The following CALN1 variants were observed in gnomAD, a reference collection of about 807,000 sequenced individuals.
The protein encoded by CALN1 is calneuron 1, also known as calcium-binding protein 8.
In CALN1, 17 loss-of-function variants were observed where a neutral mutation model predicts 30.6. That is an observed-to-expected ratio of 0.56 (90% CI 0.38 to 0.83). The LOEUF is 0.83. CALN1 is among the 40% of genes least tolerant of loss of function. The probability of loss-of-function intolerance (pLI) is 0.00; values close to 1 mark genes in which losing one functional copy is unlikely to be tolerated. For synonymous variants in CALN1, 156 were observed against 131.4 expected, an observed-to-expected ratio of 1.19 and a Z score of -1.28; for missense variants, 291 against 354.9, an observed-to-expected ratio of 0.82 and a Z score of 1.45.
chr7:71,995,917 C>A (rs904717581), intron 5 of CALN1, among the ~76,000 whole-genome samples: 1 of 152,108 alleles, frequency 6.6e-6, no homozygotes, highest in Non-Finnish European at 1.5e-5. Context: ...ATAAAAAGCA[C>A]TTGGCTTAGG....
At chr7:72,369,582 A>C (rs1350470457) in intron 2 of CALN1, among the ~76,000 whole-genome samples, 1 of 152,020 alleles carries the variant, frequency 6.6e-6, no homozygotes, top group Admixed American at 6.6e-5. Context: ...GCTTGTCTTC[A>C]ACTGCTGACC....
At position 71,972,024 on chromosome 7, in the gene CALN1, G is replaced by GAAAA. The variant is rs1562946977; in HGVS notation, c.501+51632_501+51633insTTTT. Among the ~76,000 whole-genome samples the GAAAA allele has an allele frequency of 1.5e-3, 213 of 141,970 alleles. 1 individual carries two copies. Among genetic ancestry groups the GAAAA allele is most frequent in the Admixed American group, 2.2e-3 (29 of 13,394 alleles). The allele number at this position is 141,970 out of a possible 152,430, so 93.1% of individuals were successfully genotyped here. The stretch of plus-strand genomic sequence containing the variant: ...GAAAGAAAAAAAGAAAGAAAAGAAA[G>GAAAA]AAAGAAAGAAAGACACACTCAGAGT... On this transcript the variant is annotated intron_variant, in intron 5 of 6. Transcript: ENST00000395275.
chr7:71,944,293 C>CA (rs1390337883), intron 5 of CALN1, among the ~76,000 whole-genome samples: 2 of 151,674 alleles, frequency 1.3e-5, no homozygotes, highest in African/African-American at 2.4e-5. Context: ...TTTTAAAAAA[C>CA]AAAAAAATAA....
chr7:71,971,679 CTTGAGCCTGGGACT>C (rs1797807786), intron 5 of CALN1, among the ~76,000 whole-genome samples: 1 of 151,822 alleles, frequency 6.6e-6, no homozygotes, highest in Admixed American at 6.6e-5. Flanking sequence ...AGGGGGATCA[CTTGAGCCTGGGACT>C]TTGAGAACAG....
At chr7:72,123,855 C>T (rs1259706930) in intron 3 of CALN1, among the ~76,000 whole-genome samples, 1 of 152,174 alleles carries the variant, frequency 6.6e-6, no homozygotes, top group Non-Finnish European at 1.5e-5. Context: ...TTTTAACACA[C>T]TGTTTCTCTA....
At chr7:72,486,885 T>C in the CALN1 span, among the ~76,000 whole-genome samples, 2 of 152,212 alleles carry the variant, frequency 1.3e-5, no homozygotes, top group Admixed American at 6.5e-5. Context: ...TTTCATCAGG[T>C]ACTTTAGTTA....
intron 3 of CALN1, among the ~76,000 whole-genome samples, chr7:72,123,717 T>G (rs1239657466): frequency 1.3e-5 from 2 of 152,194 alleles, no homozygotes; most frequent in African/African-American, 2.4e-5. Flanking sequence ...TTCAGTCCAT[T>G]TGGCCTTCCT....
intron 4 of CALN1, among the ~76,000 whole-genome samples, chr7:72,047,570 C>T (rs544217716): frequency 3.9e-5 from 6 of 152,240 alleles, no homozygotes; most frequent in East Asian, 1.9e-4. Flanking sequence ...GTCAGAGTAA[C>T]GGAGCAAAAC....
chr7:71,831,251 C>G (rs1460558248), intron 5 of CALN1, among the ~76,000 whole-genome samples: 11 of 152,162 alleles, frequency 7.2e-5, no homozygotes, highest in Admixed American at 7.2e-4. Context: ...AAGGCCGAGG[C>G]AGGTGGATCA....
Position 72,027,304 on chromosome 7 carries a change from C to G in CALN1, c.389-3535G>C, listed in dbSNP as rs577948542. ...TGTGGTTCTTTTGCCCAGGTACTCCCTCTGGAATGTCGGTCTATCAGCAGT... is the reference window on the plus strand; with the variant it reads ...TGTGGTTCTTTTGCCCAGGTACTCCGTCTGGAATGTCGGTCTATCAGCAGT... On this transcript the variant is annotated intron_variant, in intron 4 of 6. Transcript: ENST00000395275. Among the ~76,000 whole-genome samples the G allele has an allele frequency of 3.5e-4, 54 of 152,286 alleles. No individual in the cohort carries two copies. The South Asian group carries it at 0.011, about 30-fold the overall frequency.
intron 2 of CALN1, among the ~76,000 whole-genome samples, chr7:72,341,313 AG>A (rs1223501137): frequency 1.3e-5 from 2 of 152,200 alleles, no homozygotes; most frequent in Non-Finnish European, 2.9e-5. Flanking sequence ...ACTTGAGGTC[AG>A]GGGTTCGACA....
At chr7:72,379,110 A>T (rs892666874) in intron 2 of CALN1, among the ~76,000 whole-genome samples, 2 of 152,110 alleles carry the variant, frequency 1.3e-5, no homozygotes, top group African/African-American at 4.8e-5. Context: ...TTTGTAAAGA[A>T]TATTTGTGGC....
intron 3 of CALN1, among the ~76,000 whole-genome samples, chr7:72,165,546 C>T (rs1788460451): frequency 6.6e-6 from 1 of 151,850 alleles, no homozygotes; most frequent in African/African-American, 2.4e-5. Flanking sequence ...TGAGATCACA[C>T]CACTGCACTC....
chr7:72,412,009 G>C, intron 1 of CALN1, 49 bp downstream of exon 1: 1 of 152,132 alleles, frequency 6.6e-6, no homozygotes, highest in Admixed American at 6.5e-5. Context: ...GGCCCAGCTG[G>C]GAACTGCATG....
intron 2 of CALN1, among the ~76,000 whole-genome samples, chr7:72,356,007 T>C (rs1324159028): frequency 1.3e-5 from 2 of 152,200 alleles, no homozygotes; most frequent in African/African-American, 4.8e-5. Flanking sequence ...AAAAGGAAGA[T>C]AAATGTTTGA....
chr7:71,780,063 C>A lies in CALN1; in HGVS notation c.*7712G>T, dbSNP rs1020244609. 3.3e-5 allele frequency: 5 copies of A among 151,872 alleles called. No homozygotes were observed. Among genetic ancestry groups the A allele is most frequent in the Admixed American group, 6.5e-5 (1 of 15,268 alleles). 9.4% of individuals were successfully genotyped at this position (151,872 alleles called of 1,614,324 possible). On this transcript the variant is annotated 3_prime_UTR_variant, in exon 7 of 7. Transcript: ENST00000395275. ...CATCCAACAGTTGACAGTTCACCAA[C>A]CCAATGCCTGGACAGACTTTCTGAG...
At chr7:71,873,475 A>G (rs1792065327) in intron 5 of CALN1, among the ~76,000 whole-genome samples, 1 of 152,276 alleles carries the variant, frequency 6.6e-6, no homozygotes, top group Non-Finnish European at 1.5e-5. Context: ...AAAGCCATTG[A>G]GCTAGAATTA....
chr7:72,421,125 T>C (rs959482444), intron 1 of CALN1, among the ~76,000 whole-genome samples: 8 of 152,214 alleles, frequency 5.3e-5, no homozygotes, highest in Admixed American at 2.6e-4. Context: ...CTTAAAAAAA[T>C]GGTAATTTAT....
At chr7:72,356,449 G>C (rs781559159) in intron 2 of CALN1, among the ~76,000 whole-genome samples, 36 of 151,922 alleles carry the variant, frequency 2.4e-4, no homozygotes, top group African/African-American at 5.6e-4. Context: ...GATACAACTT[G>C]TATTAAAGTG....
Sources: allele counts gnomAD v4.1 joint callset (sites outside exome capture counted in the v4.1 genomes callset), GRCh38; gene constraint gnomAD v4.1.1; transcripts MANE v1.5; gene names NCBI Gene and HGNC (gene_info 2026-07-23, HGNC 2026-07-21).